Variants in HS6ST1 observed in about 807,000 individuals in gnomAD.
The protein encoded by HS6ST1 is heparan-sulfate 6-O-sulfotransferase 1.
Under a neutral mutation model 25.2 loss-of-function variants are expected in HS6ST1, and 3 were observed. The ratio of observed to expected loss-of-function variants is 0.12; its 90% CI spans 0.05 to 0.31. The LOEUF (loss-of-function observed/expected upper bound fraction) is 0.31, where lower values mean the gene tolerates loss of function less well. Among genes scored for constraint, HS6ST1 ranks in the 10% least tolerant of loss-of-function variants. The pLI is 1.00. For synonymous variants in HS6ST1, 204 were observed against 275.1 expected (o/e 0.74, Z 2.56); for missense variants, 310 against 609.6 (o/e 0.51, Z 5.18).
In HS6ST1 at chr2:128,268,894, G is replaced by A. The variant is rs777490060; in HGVS notation, c.528-24C>T. On this transcript the variant is annotated intron_variant, in intron 1 of 1. Coordinates refer to ENST00000259241, the MANE Select transcript of HS6ST1 (RefSeq NM_004807.3). ...TCCTGCAAGGAGACGGGGAGAGGAGGTGAGGGCTGTGACGCAGCATGAGGG... is the reference window on the plus strand; with the variant it reads ...TCCTGCAAGGAGACGGGGAGAGGAGATGAGGGCTGTGACGCAGCATGAGGG... 3.2e-6 allele frequency: 5 copies of A among 1,583,312 alleles called. No individual in the cohort carries two copies. In the African/African-American group the frequency reaches 4.0e-5, roughly 13 times the overall value.
At chr2:128,302,606 C>A (rs1033562130) in intron 1 of HS6ST1, among the ~76,000 whole-genome samples, 1 of 152,130 alleles carries the variant, frequency 6.6e-6, no homozygotes, top group Non-Finnish European at 1.5e-5. Flanking sequence ...CCTCCCAAAC[C>A]CCCTGCTACT....
At chr2:128,293,677 G>A (rs1028877338) in intron 1 of HS6ST1, among the ~76,000 whole-genome samples, 1 of 152,216 alleles carries the variant, frequency 6.6e-6, no homozygotes, top group African/African-American at 2.4e-5. Context: ...GGGGCCCACG[G>A]GGACAGAGGG....
intron 1 of HS6ST1, 111 bp from the exon 2 acceptor site, chr2:128,268,981 T>C: frequency 2.4e-6 from 2 of 839,134 alleles, no homozygotes; most frequent in Non-Finnish European, 3.9e-6. Context: ...TCGCCTCTAA[T>C]GCCAACCAAC....
intron 1 of HS6ST1, among the ~76,000 whole-genome samples, chr2:128,296,091 G>C (rs1434412513): frequency 6.6e-6 from 1 of 152,178 alleles, no homozygotes; most frequent in Non-Finnish European, 1.5e-5. Flanking sequence ...TACAAGACAG[G>C]CAACAAGCCC....
At chr2:128,317,471 C>T (rs1401014393) in intron 1 of HS6ST1, among the ~76,000 whole-genome samples, 1 of 152,244 alleles carries the variant, frequency 6.6e-6, no homozygotes, top group African/African-American at 2.4e-5. Flanking sequence ...AGCCCCAGGT[C>T]AACAGGGCCT....
At chr2:128,316,996 G>C (rs1279962697) in intron 1 of HS6ST1, among the ~76,000 whole-genome samples, 1 of 152,192 alleles carries the variant, frequency 6.6e-6, no homozygotes, top group Non-Finnish European at 1.5e-5. Flanking sequence ...TCAGTCCTAA[G>C]GCAAATTTGG....
intron 1 of HS6ST1, among the ~76,000 whole-genome samples, chr2:128,307,060 T>C (rs1418174109): frequency 6.6e-6 from 1 of 152,090 alleles, no homozygotes; most frequent in African/African-American, 2.4e-5. Context: ...TTCAGAGCCG[T>C]GGGTTCCAGG....
chr2:128,300,585 T>C (rs541969903), intron 1 of HS6ST1, among the ~76,000 whole-genome samples: 24 of 152,252 alleles, frequency 1.6e-4, no homozygotes, highest in African/African-American at 5.5e-4. Flanking sequence ...GGGACCCCCA[T>C]AGGACTGTCT....
intron 1 of HS6ST1, among the ~76,000 whole-genome samples, chr2:128,314,755 G>A (rs1348727807): frequency 5.9e-5 from 9 of 152,252 alleles, no homozygotes; most frequent in Non-Finnish European, 4.4e-5. Flanking sequence ...AGGCCCTGGT[G>A]CAGAGAGGAT....
intron 1 of HS6ST1, among the ~76,000 whole-genome samples, chr2:128,287,350 C>A (rs1369446434): frequency 6.6e-6 from 1 of 152,208 alleles, no homozygotes; most frequent in Non-Finnish European, 1.5e-5. Flanking sequence ...CAGCTGTGGG[C>A]AGGGACAGCT....
At chr2:128,269,396 C>T (rs896732901) in intron 1 of HS6ST1, among the ~76,000 whole-genome samples, 23 of 152,114 alleles carry the variant, frequency 1.5e-4, no homozygotes, top group African/African-American at 5.1e-4. Context: ...GAAGCCATGA[C>T]GTATACACCA....
intron 1 of HS6ST1, among the ~76,000 whole-genome samples, chr2:128,317,691 G>A (rs1227180752): frequency 6.6e-6 from 1 of 152,262 alleles, no homozygotes; most frequent in African/African-American, 2.4e-5. Context: ...GCGTCCCCAA[G>A]TCCGGCGGGC....
At chr2:128,294,420 T>C (rs1171288671) in intron 1 of HS6ST1, among the ~76,000 whole-genome samples, 4 of 152,256 alleles carry the variant, frequency 2.6e-5, no homozygotes, top group Non-Finnish European at 4.4e-5. Context: ...GCCTGTCTAC[T>C]GGGTAGGTGG....
At chr2:128,282,462 G>A (rs937137710) in intron 1 of HS6ST1, among the ~76,000 whole-genome samples, 3 of 152,152 alleles carry the variant, frequency 2.0e-5, no homozygotes, top group African/African-American at 2.4e-5. Context: ...ACCGGCCCGC[G>A]GCAGATGGTT....
chr2:128,268,916 AG>A, intron 1 of HS6ST1, 46 bp from the exon 2 acceptor site: 1 of 1,524,188 alleles, frequency 6.6e-7, no homozygotes, highest in Non-Finnish European at 9.0e-7. Flanking sequence ...ACGCAGCATG[AG>A]GGGGGCTACC....
At chr2:128,316,132 C>T (rs1023647248) in intron 1 of HS6ST1, among the ~76,000 whole-genome samples, 2 of 152,202 alleles carry the variant, frequency 1.3e-5, no homozygotes, top group Admixed American at 6.5e-5. Flanking sequence ...GGGGCCCCAT[C>T]GGCCCCACCT....
At chr2:128,294,225 C>A (rs1012933277) in intron 1 of HS6ST1, among the ~76,000 whole-genome samples, 1 of 152,228 alleles carries the variant, frequency 6.6e-6, no homozygotes, top group Non-Finnish European at 1.5e-5. Flanking sequence ...TGTGCCCGGC[C>A]CTGGCACTGT....
At chr2:128,297,080 C>A (rs529581915) in intron 1 of HS6ST1, among the ~76,000 whole-genome samples, 132 of 152,186 alleles carry the variant, frequency 8.7e-4, no homozygotes, top group Middle Eastern at 3.4e-3. Flanking sequence ...ACAAAAAAAA[C>A]CCCAAACCAA....
chr2:128,281,372 G>C (rs1693783303), intron 1 of HS6ST1, among the ~76,000 whole-genome samples: 1 of 152,222 alleles, frequency 6.6e-6, no homozygotes, highest in Non-Finnish European at 1.5e-5. Context: ...CAAGAGAGAG[G>C]CTTAGAAAAC....
Sources: allele counts gnomAD v4.1 joint callset (sites outside exome capture counted in the v4.1 genomes callset), GRCh38; gene constraint gnomAD v4.1.1; transcripts MANE v1.5; gene names NCBI Gene and HGNC (gene_info 2026-07-23, HGNC 2026-07-21).